The following CNMD variants were observed in gnomAD, a reference collection of about 807,000 sequenced individuals.
CNMD encodes the protein leukocyte cell-derived chemotaxin 1.
CNMD carries 30 observed loss-of-function variants against 37.5 expected under a neutral mutation model. That is an observed-to-expected ratio of 0.80 (90% CI 0.60 to 1.09). The LOEUF is 1.09. Ranked by LOEUF, CNMD falls within the 50% of genes least tolerant of loss-of-function variation. The probability of loss-of-function intolerance (pLI) is 0.00; values close to 1 mark genes in which losing one functional copy is unlikely to be tolerated. For missense variants in CNMD, 398 were observed against 423.9 expected (o/e 0.94, Z 0.54); for synonymous variants, 167 against 148.2 (o/e 1.13, Z -0.92).
At chr13:52,732,595 A>G (rs1964691624) in intron 3 of CNMD, among the ~76,000 whole-genome samples, 1 of 152,206 alleles carries the variant, frequency 6.6e-6, no homozygotes, top group Admixed American at 6.5e-5. Context: ...TTCTGGATTA[A>G]ATAGGAAATT....
intron 3 of CNMD, among the ~76,000 whole-genome samples, chr13:52,728,266 G>A (rs763033559): frequency 2.0e-5 from 3 of 151,808 alleles, no homozygotes; most frequent in Non-Finnish European, 4.4e-5. Context: ...TGCACCTGTA[G>A]TCCCAGCTAC....
Position 52,718,032 on chromosome 13 carries a change from T to C in CNMD, c.469-5163A>G, listed in dbSNP as rs143244179. 3.0e-3 allele frequency among the ~76,000 whole-genome samples: 451 copies of C among 152,318 alleles called. 3 individuals are homozygous for C. The highest frequency in any genetic ancestry group is 0.01 in the African/African-American group (428 of 41,574). On this transcript the variant is annotated intron_variant, in intron 4 of 6. Transcript: ENST00000377962. The stretch of plus-strand genomic sequence containing the variant: ...CCTCAATTTCAGACCTTCTTATTGG[T>C]CTATTCAGGGATTTGACTTCTTCCT...
chr13:52,718,264 CTATT>C (rs934495118), intron 4 of CNMD, among the ~76,000 whole-genome samples: 3 of 152,066 alleles, frequency 2.0e-5, no homozygotes, highest in African/African-American at 4.8e-5. Flanking sequence ...AGTAGTCTAT[CTATT>C]TGTTAATCTC....
intron 2 of CNMD, 89 bp downstream of exon 2, chr13:52,738,942 C>G (rs1964825505): frequency 1.6e-6 from 2 of 1,260,448 alleles, no homozygotes; most frequent in Admixed American, 4.2e-5. Flanking sequence ...CGCCGGCAGC[C>G]GCGCGCCCCT....
intron 5 of CNMD, 121 bp downstream of exon 5, chr13:52,712,595 C>T (rs2138229184): frequency 1.8e-6 from 1 of 554,680 alleles, no homozygotes; most frequent in Admixed American, 3.1e-5. Flanking sequence ...TGAGACACTG[C>T]GACATGCATC....
chr13:52,731,973 C>T (rs1261376698), intron 3 of CNMD, among the ~76,000 whole-genome samples: 1 of 152,248 alleles, frequency 6.6e-6, no homozygotes, highest in Non-Finnish European at 1.5e-5. Context: ...TGGGCACATA[C>T]AGAGCAGCAG....
intron 4 of CNMD, 145 bp downstream of exon 4, chr13:52,723,852 T>G (rs939572037): frequency 3.3e-6 from 2 of 611,454 alleles, no homozygotes; most frequent in Non-Finnish European, 5.8e-6. Flanking sequence ...TCGGATGCAG[T>G]GAGCCAAAAG....
Position 52,712,716 on chromosome 13 carries a change from C to A in CNMD, c.622G>T (p.Glu208Ter). The change falls in exon 5 of 7, where the codon GAA becomes TAA. Residue 208 changes from glutamate (E) to a stop codon, truncating the protein, a stop_gained and splice_region_variant. Coordinates refer to ENST00000377962, the MANE Select transcript of CNMD (RefSeq NM_007015.3). LOFTEE classifies it high-confidence loss of function. The part of the protein sequence containing the change: ...IFWLKPTYPK[E>*]IQRERREVVR... ...AGCTTAAGATAATTTAAAATGTTACCTTTTGGATAGGTTGGTTTAAGCCAG... is the reference window on the plus strand; with the variant it reads ...AGCTTAAGATAATTTAAAATGTTACATTTTGGATAGGTTGGTTTAAGCCAG... 1 of 1,502,354 alleles carries A rather than the reference C, an allele frequency of 6.7e-7. No individual in the cohort carries two copies. Among genetic ancestry groups the A allele is most frequent in the South Asian group, 1.4e-5 (1 of 70,058 alleles). The allele number at this position is 1,502,354 out of a possible 1,614,324, so 93.1% of individuals were successfully genotyped here. A position where few individuals can be genotyped will look rare whatever the true frequency, so the allele number is the denominator to read the frequency against.
chr13:52,708,572 C>G lies in CNMD; in HGVS notation c.753G>C (p.Glu251Asp). Residue 251 changes from glutamate (E) to aspartate (D), a missense_variant, in exon 6 of 7, where the codon GAG becomes GAC. Coordinates refer to ENST00000377962, the MANE Select transcript of CNMD (RefSeq NM_007015.3). ...TATCAGGATTGAAGGCTTGTGAGTC[C>G]TCTTGAACACTGGGTCTGGTTTCAT... ...LNNETRPSVQ[E>D]DSQAFNPDNP... 4 of 1,613,872 alleles carry G rather than the reference C, an allele frequency of 2.5e-6. No homozygotes were observed. In the Middle Eastern group the frequency reaches 6.6e-4, roughly 266 times the overall value.
chr13:52,712,612 T>C (rs906012883), intron 5 of CNMD, 104 bp downstream of exon 5: 1 of 665,446 alleles, frequency 1.5e-6, no homozygotes. Context: ...CATCCTGATT[T>C]ATCCTCCTTG....
At position 52,708,527 on chromosome 13, in the gene CNMD, G is replaced by T; in HGVS notation, c.789+9C>A. Reference sequence around the variant, plus strand: ...TTGTCTAATCATGTCAAAAAGCACCGGAACGCACATGATAAGGATTATCAG... The same window carrying T: ...TTGTCTAATCATGTCAAAAAGCACCTGAACGCACATGATAAGGATTATCAG... On this transcript the variant is annotated intron_variant, in intron 6 of 6. Transcript: ENST00000377962. The T allele has an allele frequency of 6.2e-7, 1 of 1,602,384 alleles. No individual in the cohort carries two copies. Among genetic ancestry groups the T allele is most frequent in the Non-Finnish European group, 8.5e-7 (1 of 1,176,222 alleles).
rs2138289507 is a variant in CNMD at position 52,739,263 on chromosome 13, G to A, written c.73-92C>T. The A allele has an allele frequency of 3.7e-6, 5 of 1,363,328 alleles. No individual in the cohort carries two copies. Among genetic ancestry groups the A allele is most frequent in the East Asian group, 2.9e-5 (1 of 34,234 alleles). The allele number at this position is 1,363,328 out of a possible 1,614,324, so 84.5% of individuals were successfully genotyped here. ...CCGGGCCCCACGCGGTAGCCCCCAG[G>A]GAGTGGGGAGTCGGGCGGGAAACAG... On this transcript the variant is annotated intron_variant, in intron 1 of 6. Coordinates refer to ENST00000377962, the MANE Select transcript of CNMD (RefSeq NM_007015.3). This position sits in a 1 kb window ranked among gnomAD's most constrained non-coding sequence, Gnocchi z 5.4.
chr13:52,706,420 A>C (rs1311607310), intron 6 of CNMD, among the ~76,000 whole-genome samples: 1 of 152,220 alleles, frequency 6.6e-6, no homozygotes, highest in African/African-American at 2.4e-5. Flanking sequence ...TGAGAAAGTT[A>C]CTGTTCACCT....
At position 52,739,228 on chromosome 13, in the gene CNMD, C is replaced by T; in HGVS notation, c.73-57G>A. 7.1e-7 allele frequency: 1 copy of T among 1,417,358 alleles called. No homozygotes were observed. The highest frequency in any genetic ancestry group is 9.2e-7 in the Non-Finnish European group (1 of 1,089,912). 87.8% of individuals were successfully genotyped at this position (1,417,358 alleles called of 1,614,324 possible). ...GTTTGTGCCGCCAGCACCTGCGGCC[C>T]CCAGCGCACCCGGGCCCCACGCGGT... On this transcript the variant is annotated intron_variant, in intron 1 of 6. Coordinates refer to ENST00000377962, the MANE Select transcript of CNMD (RefSeq NM_007015.3). The surrounding 1 kb of genome is among the most constrained non-coding windows in gnomAD (Gnocchi z 5.4).
chr13:52,709,704 A>G (rs769224878), intron 5 of CNMD, among the ~76,000 whole-genome samples: 3 of 152,162 alleles, frequency 2.0e-5, no homozygotes, highest in Non-Finnish European at 2.9e-5. Context: ...CAGGAGCAGT[A>G]GCTCATGCCT....
At chr13:52,730,254 G>A (rs1964642495) in intron 3 of CNMD, among the ~76,000 whole-genome samples, 1 of 152,072 alleles carries the variant, frequency 6.6e-6, no homozygotes, top group Non-Finnish European at 1.5e-5. Context: ...CCAAGTCTTT[G>A]CTATCGTGAA....
intron 3 of CNMD, among the ~76,000 whole-genome samples, chr13:52,726,138 G>A (rs940112384): frequency 2.0e-5 from 3 of 152,172 alleles, no homozygotes; most frequent in Non-Finnish European, 2.9e-5. Context: ...GCTCTTAACT[G>A]CACCTGAATT....
intron 2 of CNMD, among the ~76,000 whole-genome samples, chr13:52,735,466 G>C (rs1189989748): frequency 6.6e-6 from 1 of 152,038 alleles, no homozygotes; most frequent in African/African-American, 2.4e-5. Context: ...TTCTTAAGGA[G>C]ATAAGGTTGT....
intron 2 of CNMD, 70 bp from the exon 3 acceptor site, chr13:52,733,429 A>G: frequency 7.4e-7 from 1 of 1,358,222 alleles, no homozygotes. Context: ...TTAGAAGGGC[A>G]GTGTATGAGG....
Sources: allele counts gnomAD v4.1 joint callset (sites outside exome capture counted in the v4.1 genomes callset), GRCh38; gene constraint gnomAD v4.1.1; non-coding constraint Gnocchi (gnomAD v3.1); transcripts MANE v1.5; gene names NCBI Gene and HGNC (gene_info 2026-07-23, HGNC 2026-07-21).